FAM107B: variants seen among roughly 807,000 people sequenced by gnomAD.
FAM107B encodes family with sequence similarity 107 member B.
In FAM107B, 21 loss-of-function variants were observed where a neutral mutation model predicts 31.5. The observed-to-expected ratio is 0.67, with a 90% CI of 0.47 to 0.96. The LOEUF is 0.96. Among genes scored for constraint, FAM107B ranks in the 40% least tolerant of loss-of-function variants. The pLI is 0.00. For synonymous variants in FAM107B, 157 were observed against 141.5 expected, an observed-to-expected ratio of 1.11 and a Z score of -0.78; for missense variants, 452 against 377.1, an observed-to-expected ratio of 1.20 and a Z score of -1.64.
rs59778625 is a variant in FAM107B, at chr10:14,659,439, T to TCAAAACAAAACAAAA, written c.469+8180_469+8194dup. 1.4e-3 allele frequency among the ~76,000 whole-genome samples: 209 copies of TCAAAACAAAACAAAA among 150,470 alleles called. 1 individual carries two copies. Among genetic ancestry groups the TCAAAACAAAACAAAA allele is most frequent in the Middle Eastern group, 6.8e-3 (2 of 292 alleles). ...CTAGGTGAAAGAGCAAAACTCCGTC[T>TCAAAACAAAACAAAA]CAAAACAAAACAAAACAAAACAAAA... On this transcript the variant is annotated intron_variant, in intron 2 of 4. Transcript: ENST00000181796.
intron 2 of FAM107B, among the ~76,000 whole-genome samples, chr10:14,593,497 G>T (rs997561285): frequency 1.3e-5 from 2 of 152,068 alleles, no homozygotes; most frequent in African/African-American, 4.8e-5. Context: ...GGCCAATATG[G>T]TGAAACCCCA....
chr10:14,752,026 G>A (rs1325478570), intron 1 of FAM107B, among the ~76,000 whole-genome samples: 2 of 152,158 alleles, frequency 1.3e-5, no homozygotes, highest in Non-Finnish European at 1.5e-5. Context: ...ATACCCACTG[G>A]TTTCCCTATT....
intron 2 of FAM107B, among the ~76,000 whole-genome samples, chr10:14,634,536 T>G (rs1853448002): frequency 6.6e-6 from 1 of 152,044 alleles, no homozygotes; most frequent in South Asian, 2.1e-4. Context: ...TTGATGAAAT[T>G]CTGCTTCCAG....
In FAM107B at chr10:14,611,973, G is replaced by A. The variant is rs1219581270; in HGVS notation, c.469+55661C>T. ...TACATGTGTGTATATGTGTATGTGT[G>A]TGTATGTATGAGTATAAATATATAT... On this transcript the variant is annotated intron_variant, in intron 2 of 4. Coordinates refer to ENST00000181796, the MANE Select transcript of FAM107B (RefSeq NM_031453.4). 2.0e-5 allele frequency among the ~76,000 whole-genome samples: 3 copies of A among 152,124 alleles called. 1 individual carries two copies. In the South Asian group the frequency reaches 6.2e-4, roughly 32 times the overall value.
At chr10:14,590,756 C>A (rs941920602) in intron 2 of FAM107B, among the ~76,000 whole-genome samples, 2 of 151,046 alleles carry the variant, frequency 1.3e-5, no homozygotes, top group Non-Finnish European at 3.0e-5. Flanking sequence ...GTGAGGCAGG[C>A]GGATCACCCA....
chr10:14,574,822 T>C (rs113622407), intron 2 of FAM107B, among the ~76,000 whole-genome samples: 1 of 152,228 alleles, frequency 6.6e-6, no homozygotes, highest in Admixed American at 6.5e-5. Flanking sequence ...AAATTCTGTA[T>C]GAAGATGGTG....
At chr10:14,595,973 G>T (rs926766792) in intron 2 of FAM107B, among the ~76,000 whole-genome samples, 1 of 152,102 alleles carries the variant, frequency 6.6e-6, no homozygotes, top group Non-Finnish European at 1.5e-5. Context: ...TCTCCTGCAC[G>T]CCCTGCTCAG....
intron 2 of FAM107B, among the ~76,000 whole-genome samples, chr10:14,611,360 A>G (rs1029972509): frequency 6.6e-6 from 1 of 151,992 alleles, no homozygotes; most frequent in Non-Finnish European, 1.5e-5. Flanking sequence ...TTCTGTGAAC[A>G]TTCTACAGTT....
chr10:14,540,819 C>T (rs952589695), intron 2 of FAM107B, among the ~76,000 whole-genome samples: 3 of 152,138 alleles, frequency 2.0e-5, no homozygotes, highest in Admixed American at 6.5e-5. Flanking sequence ...CCTTTACTCA[C>T]GATTTATTGA....
intron 3 of FAM107B, among the ~76,000 whole-genome samples, chr10:14,523,294 T>A (rs969968319): frequency 6.6e-6 from 1 of 151,812 alleles, no homozygotes; most frequent in Non-Finnish European, 1.5e-5. Context: ...CTCAACTTGA[T>A]GTTAAAATTT....
chr10:14,612,911 C>T (rs1020976986), intron 2 of FAM107B, among the ~76,000 whole-genome samples: 2 of 152,138 alleles, frequency 1.3e-5, no homozygotes, highest in South Asian at 4.1e-4. Flanking sequence ...ATAAAAATTC[C>T]TAGAAAAATA....
chr10:14,742,220 A>T (rs980855323), intron 1 of FAM107B, among the ~76,000 whole-genome samples: 1 of 151,858 alleles, frequency 6.6e-6, no homozygotes, highest in Non-Finnish European at 1.5e-5. Context: ...GGGCTCAAGC[A>T]GTCCTCCCAC....
chr10:14,568,321 G>A (rs1365112845), intron 2 of FAM107B, among the ~76,000 whole-genome samples: 1 of 152,258 alleles, frequency 6.6e-6, no homozygotes, highest in African/African-American at 2.4e-5. Context: ...GTTAGACCAG[G>A]AGGTGAAGAT....
chr10:14,644,591 T>C (rs867253483), intron 2 of FAM107B, among the ~76,000 whole-genome samples: 1 of 152,238 alleles, frequency 6.6e-6, no homozygotes. Flanking sequence ...TGCTTCTCAT[T>C]TGCCATATGG....
At chr10:14,555,889 T>A (rs1327454904) in intron 2 of FAM107B, 2 of 88,964 alleles carry the variant, frequency 2.2e-5, no homozygotes, top group Admixed American at 1.3e-4. Context: ...CTTGCAGACA[T>A]CTTTAACACA....
intron 2 of FAM107B, among the ~76,000 whole-genome samples, chr10:14,575,171 G>A (rs1276112241): frequency 6.6e-6 from 1 of 151,792 alleles, no homozygotes; most frequent in Non-Finnish European, 1.5e-5. Context: ...GTACTTCCCT[G>A]TACTGGGGAT....
intron 1 of FAM107B, among the ~76,000 whole-genome samples, chr10:14,677,488 G>A (rs1031473932): frequency 2.0e-5 from 3 of 152,154 alleles, no homozygotes; most frequent in Admixed American, 1.3e-4. Flanking sequence ...GGGCGTGGTG[G>A]TGGGCGCCTG....
intron 1 of FAM107B, among the ~76,000 whole-genome samples, chr10:14,673,622 T>C (rs1854610830): frequency 6.6e-6 from 1 of 151,462 alleles, no homozygotes; most frequent in Non-Finnish European, 1.5e-5. Context: ...CTCTTTGACA[T>C]GCTGATCTCC....
At chr10:14,566,616 G>A (rs1850689537) in intron 2 of FAM107B, among the ~76,000 whole-genome samples, 1 of 152,202 alleles carries the variant, frequency 6.6e-6, no homozygotes, top group Non-Finnish European at 1.5e-5. Flanking sequence ...ACTGGTGAGG[G>A]AACCAACACA....
Sources: allele counts gnomAD v4.1 joint callset (sites outside exome capture counted in the v4.1 genomes callset), GRCh38; gene constraint gnomAD v4.1.1; transcripts MANE v1.5; gene names NCBI Gene and HGNC (gene_info 2026-07-23, HGNC 2026-07-21).